The following HERC1 variants were observed in gnomAD, a reference collection of about 807,000 sequenced individuals.
The protein encoded by HERC1 is probable E3 ubiquitin-protein ligase HERC1.
Under a neutral mutation model 554.3 loss-of-function variants are expected in HERC1, and 160 were observed. The observed-to-expected ratio is 0.29, with a 90% CI of 0.25 to 0.33. The LOEUF (loss-of-function observed/expected upper bound fraction) is 0.33, where lower values mean the gene tolerates loss of function less well. Ranked by LOEUF, HERC1 falls within the 10% of genes least tolerant of loss-of-function variation. The pLI is 1.00. For missense variants in HERC1, 4,919 were observed against 5,918.5 expected, an observed-to-expected ratio of 0.83 and a Z score of 5.54; for synonymous variants, 2,175 against 2,131.7, an observed-to-expected ratio of 1.02 and a Z score of -0.56.
chr15:63,771,429 G>A (rs1258983173), intron 2 of HERC1, among the ~76,000 whole-genome samples: 4 of 138,470 alleles, frequency 2.9e-5, no homozygotes, highest in African/African-American at 1.0e-4. Context: ...TCTGAGAAAA[G>A]CAATCTAGTT....
chr15:63,808,438 C>T (rs2077198152), intron 1 of HERC1, among the ~76,000 whole-genome samples: 2 of 152,160 alleles, frequency 1.3e-5, no homozygotes, highest in African/African-American at 4.8e-5. Context: ...CAAGCACATG[C>T]TACCACTCAG....
At chr15:63,726,546 C>T (rs1026622918) in intron 17 of HERC1, among the ~76,000 whole-genome samples, 30 of 152,026 alleles carry the variant, frequency 2.0e-4, no homozygotes, top group African/African-American at 7.0e-4. Context: ...TTTTTAAAAC[C>T]ATGAATATTA....
At chr15:63,779,141 T>C (rs894426672) in intron 1 of HERC1, among the ~76,000 whole-genome samples, 1 of 151,876 alleles carries the variant, frequency 6.6e-6, no homozygotes, top group Admixed American at 6.6e-5. Context: ...AAGAATAATA[T>C]TCATATTATT....
At chr15:63,668,378 A>C (rs929581140) in intron 40 of HERC1, among the ~76,000 whole-genome samples, 1 of 152,182 alleles carries the variant, frequency 6.6e-6, no homozygotes, top group African/African-American at 2.4e-5. Context: ...CTGTAGTCCC[A>C]GCTACTTGGG....
chr15:63,750,182 G>T (rs972832502), intron 8 of HERC1, among the ~76,000 whole-genome samples: 1 of 152,026 alleles, frequency 6.6e-6, no homozygotes, highest in East Asian at 1.9e-4. Flanking sequence ...TTAGAACAAG[G>T]TATTATCATA....
rs2070830173 is a variant in HERC1 at position 63,670,133 on chromosome 15, T to C, written c.8046-435A>G. On this transcript the variant is annotated intron_variant, in intron 39 of 77. Coordinates refer to ENST00000443617, the MANE Select transcript of HERC1 (RefSeq NM_003922.4). The stretch of plus-strand genomic sequence containing the variant: ...CTAGCTAGTCATGAAATTATTCACA[T>C]GGATTGAAAGTAATGGTTTACAGGC... Among the ~76,000 whole-genome samples the C allele has an allele frequency of 6.6e-5, 10 of 152,272 alleles. 1 individual carries two copies. The South Asian group carries it at 2.1e-3, about 32-fold the overall frequency.
chr15:63,645,572 T>G lies in HERC1; in HGVS notation c.10989A>C (p.Leu3663=). The G allele has an allele frequency of 6.2e-7, 1 of 1,613,636 alleles. No individual in the cohort carries two copies. Among genetic ancestry groups the G allele is most frequent in the Non-Finnish European group, 8.5e-7 (1 of 1,179,704 alleles). The change falls in exon 56 of 78, where the codon CTA becomes CTC. Residue 3663 remains leucine, a synonymous_variant. Coordinates refer to ENST00000443617, the MANE Select transcript of HERC1 (RefSeq NM_003922.4). The part of the protein sequence containing the change: ...WGSISGCWCC[L]HSLCHPSIVN... ...CAATAGATGGATGGCAGAGTGAATG[T>G]AGACAGCACCAGCATCCCGAAATAG...
chr15:63,700,691 A>G, intron 25 of HERC1, among the ~76,000 whole-genome samples: 1 of 140,328 alleles, frequency 7.1e-6, no homozygotes, highest in Non-Finnish European at 1.5e-5. Flanking sequence ...CCTGGGTGAC[A>G]GGGCGAGACC....
rs1567114611 is a variant in HERC1 at position 63,775,628 on chromosome 15, A to T, written c.-5T>A. 1 of 1,584,652 alleles carries T rather than the reference A, an allele frequency of 6.3e-7. No homozygotes were observed. ...TGGTGGAATCATAGTTGCCATGTTG[A>T]TTTATCCTTCAGCCATTAGTCCTGC... On this transcript the variant is annotated 5_prime_UTR_variant, in exon 2 of 78. Transcript: ENST00000443617. This position sits in a 1 kb window ranked among gnomAD's most constrained non-coding sequence, Gnocchi z 4.0.
intron 24 of HERC1, among the ~76,000 whole-genome samples, chr15:63,707,854 A>G (rs557489801): frequency 1.6e-4 from 24 of 146,310 alleles, no homozygotes; most frequent in Non-Finnish European, 3.4e-4. Flanking sequence ...ACTTGAACCC[A>G]GGAGGCGGAG....
intron 46 of HERC1, among the ~76,000 whole-genome samples, 199 bp from the exon 47 acceptor site, chr15:63,660,135 A>G (rs2070274357): frequency 1.3e-5 from 2 of 152,092 alleles, no homozygotes; most frequent in Admixed American, 6.6e-5. Context: ...CCTGGCCAAC[A>G]TGATGAAACC....
At chr15:63,753,196 A>G (rs2075308696) in intron 7 of HERC1, 111 bp from the exon 8 acceptor site, 1 of 702,070 alleles carries the variant, frequency 1.4e-6, no homozygotes, top group Middle Eastern at 3.0e-4. Context: ...AACCTGGCAG[A>G]TATGAAAAGC....
At chr15:63,744,363 G>A (rs553591632) in intron 12 of HERC1, among the ~76,000 whole-genome samples, 7 of 152,174 alleles carry the variant, frequency 4.6e-5, no homozygotes, top group South Asian at 2.1e-4. Flanking sequence ...GCCTATGTTC[G>A]CTCAAGACTC....
At chr15:63,750,579 T>C (rs985449423) in intron 8 of HERC1, among the ~76,000 whole-genome samples, 1 of 152,228 alleles carries the variant, frequency 6.6e-6, no homozygotes, top group Non-Finnish European at 1.5e-5. Flanking sequence ...AATTTGTTTT[T>C]GTCTTGCAAT....
In HERC1 at chr15:63,640,169, C is replaced by G; in HGVS notation, c.11884G>C (p.Glu3962Gln). 6.2e-7 allele frequency: 1 copy of G among 1,613,746 alleles called. No homozygotes were observed. Among genetic ancestry groups the G allele is most frequent in the East Asian group, 2.2e-5 (1 of 44,890 alleles). ...VPDLEPVPED[E>Q]LVFLMDNSKW... is the part of the protein sequence containing the mutation. ...ACATTTACCATTAGAAATACAAGTTCATCCTCTGGAACAGGTTCTAGATCT... is the reference window on the plus strand; with the variant it reads ...ACATTTACCATTAGAAATACAAGTTGATCCTCTGGAACAGGTTCTAGATCT... The change falls in exon 61 of 78, where the codon GAA (glutamate) becomes CAA (glutamine). Residue 3962 changes from glutamate to glutamine, a missense_variant. Physicochemically the swap from Glu to Gln is conservative, Grantham distance 29. Transcript: ENST00000443617.
chr15:63,684,186 A>C (rs575806963), intron 34 of HERC1, among the ~76,000 whole-genome samples: 24 of 152,342 alleles, frequency 1.6e-4, no homozygotes, highest in African/African-American at 5.3e-4. Flanking sequence ...TGATGTCCCA[A>C]CATGTTAAGC....
Position 63,674,661 on chromosome 15 carries a change from G to A in HERC1, c.7527C>T (p.Ser2509=). Residue 2509 remains serine (S), a synonymous_variant, in exon 38 of 78, where the codon TCC becomes TCT. Transcript: ENST00000443617. ...AQSEIRAVQL[S]YLYLGAMKSL... The stretch of plus-strand genomic sequence containing the variant: ...ACTTCATAGCACCGAGGTAAAGATA[G>A]GACAGCTGGACTGCTCTGATTTCTG... 23 of 1,613,806 alleles carry A rather than the reference G, an allele frequency of 1.4e-5. No individual in the cohort carries two copies. The highest frequency in any genetic ancestry group is 1.9e-5 in the Non-Finnish European group (23 of 1,179,780).
chr15:63,731,106 T>C (rs1371010589), intron 14 of HERC1, among the ~76,000 whole-genome samples: 6 of 152,202 alleles, frequency 3.9e-5, no homozygotes, highest in African/African-American at 1.2e-4. Context: ...CATGTGTATA[T>C]AAAATATGAT....
Position 63,621,769 on chromosome 15 carries a change from C to T in HERC1, c.13688+1046G>A, listed in dbSNP as rs529080991. On this transcript the variant is annotated intron_variant, in intron 74 of 77. Transcript: ENST00000443617. Reference sequence around the variant, plus strand: ...CTTCCATCACTGATACCCTTTCTTCCAGTTGATCGAATCGGTTACTGAGGC... The same window carrying T: ...CTTCCATCACTGATACCCTTTCTTCTAGTTGATCGAATCGGTTACTGAGGC... 2.5e-3 allele frequency among the ~76,000 whole-genome samples: 382 copies of T among 152,286 alleles called. 1 individual carries two copies. The highest frequency in any genetic ancestry group is 8.5e-3 in the African/African-American group (355 of 41,546).
Sources: gnomAD v4.1 joint callset for allele counts (sites outside exome capture counted in the v4.1 genomes callset) on GRCh38, gnomAD v4.1.1 for gene constraint, Gnocchi (gnomAD v3.1) non-coding constraint, MANE v1.5 for transcripts, NCBI Gene and HGNC (gene_info 2026-07-23, HGNC 2026-07-21) for gene names.